VPS13B: variants seen among roughly 807,000 people sequenced by gnomAD.
VPS13B encodes the protein intermembrane lipid transfer protein VPS13B.
Under a neutral mutation model 426.4 loss-of-function variants are expected in VPS13B, and 285 were observed. The ratio of observed to expected loss-of-function variants is 0.67; its 90% CI spans 0.61 to 0.74. The LOEUF (loss-of-function observed/expected upper bound fraction) is 0.74, where lower values mean the gene tolerates loss of function less well. VPS13B is among the 30% of genes least tolerant of loss of function. VPS13B has a pLI of 0.00. For synonymous variants in VPS13B, 1,676 were observed against 1,676.4 expected, an observed-to-expected ratio of 1.00 and a Z score of 0.01; for missense variants, 4,537 against 4,782.6, an observed-to-expected ratio of 0.95 and a Z score of 1.51.
At chr8:99,018,364 C>G (rs560791619) in intron 2 of VPS13B, among the ~76,000 whole-genome samples, 6 of 152,158 alleles carry the variant, frequency 3.9e-5, no homozygotes, top group Non-Finnish European at 8.8e-5. Flanking sequence ...CCAGCCTGGG[C>G]GACAGAGTGA....
intron 37 of VPS13B, among the ~76,000 whole-genome samples, chr8:99,719,921 G>C (rs548899868): frequency 6.6e-6 from 1 of 152,062 alleles, no homozygotes; most frequent in African/African-American, 2.4e-5. Context: ...CTATAATAAG[G>C]ATTGCTTATT....
intron 17 of VPS13B, among the ~76,000 whole-genome samples, chr8:99,253,141 TA>T (rs1253393562): frequency 2.0e-5 from 3 of 152,194 alleles, no homozygotes; most frequent in Non-Finnish European, 4.4e-5. Flanking sequence ...TTTCAAAGTT[TA>T]TTCTTGTTGT....
intron 17 of VPS13B, among the ~76,000 whole-genome samples, chr8:99,273,637 T>G (rs1377107961): frequency 1.3e-5 from 2 of 151,872 alleles, no homozygotes; most frequent in African/African-American, 4.8e-5. Flanking sequence ...ATACAAAAAT[T>G]AGCCAGGCTG....
chr8:99,143,098 T>C lies in VPS13B; in HGVS notation c.1776T>C (p.His592=), dbSNP rs756818683. 197 of 1,613,930 alleles carry C rather than the reference T, an allele frequency of 1.2e-4. No homozygotes were observed. The highest frequency in any genetic ancestry group is 1.6e-4 in the Non-Finnish European group (191 of 1,179,964). The part of the protein sequence containing the change: ...LDFRLDSSAV[H]RILKMIVCAL... ...TTCGTTTGGATAGCAGTGCGGTGCATAGGATTTTGAAAATGATTGTGTGTG... is the reference window on the plus strand; with the variant it reads ...TTCGTTTGGATAGCAGTGCGGTGCACAGGATTTTGAAAATGATTGTGTGTG... The change falls in exon 13 of 62, where the codon CAT becomes CAC. Residue 592 remains histidine (H), a synonymous_variant. Coordinates refer to ENST00000357162, the MANE Select transcript of VPS13B (RefSeq NM_152564.5).
At position 99,242,154 on chromosome 8, in the gene VPS13B, T is replaced by C. The variant is rs557044715; in HGVS notation, c.2516-32044T>C. Among the ~76,000 whole-genome samples the C allele has an allele frequency of 1.0e-3, 154 of 152,282 alleles. 1 individual carries two copies. The highest frequency in any genetic ancestry group is 3.0e-3 in the African/African-American group (125 of 41,568). On this transcript the variant is annotated intron_variant, in intron 17 of 61. Coordinates refer to ENST00000357162, the MANE Select transcript of VPS13B (RefSeq NM_152564.5). ...CGCCACCATGGCCAGCTAATTTTTG[T>C]ACTTTTTTAGTAGAGACAGGGTTTC... is the stretch of plus-strand genomic sequence containing the variant.
chr8:99,868,127 CT>C, intron 58 of VPS13B, 161 bp from the exon 59 acceptor site: 1 of 793,826 alleles, frequency 1.3e-6, no homozygotes, highest in Non-Finnish European at 2.1e-6. Context: ...GTCTACTGCC[CT>C]TGGTGTACTT....
chr8:99,273,856 A>C (rs1303128099), intron 17 of VPS13B, among the ~76,000 whole-genome samples: 1 of 152,200 alleles, frequency 6.6e-6, no homozygotes, highest in African/African-American at 2.4e-5. Context: ...TATAAGTTAA[A>C]TTTGTTTCAA....
intron 59 of VPS13B, among the ~76,000 whole-genome samples, chr8:99,869,823 CACTA>C (rs1312401261): frequency 1.3e-5 from 2 of 152,168 alleles, no homozygotes; most frequent in East Asian, 1.9e-4. Context: ...GTTTTAAAAC[CACTA>C]ACTCTTAGTC....
chr8:99,591,053 G>T (rs918800292), intron 33 of VPS13B, among the ~76,000 whole-genome samples: 3 of 151,832 alleles, frequency 2.0e-5, no homozygotes, highest in African/African-American at 7.3e-5. Context: ...AGTATAGTTA[G>T]CTCTTCTTGT....
intron 17 of VPS13B, among the ~76,000 whole-genome samples, chr8:99,205,659 A>G (rs1814667872): frequency 1.3e-5 from 2 of 152,278 alleles, no homozygotes; most frequent in East Asian, 3.8e-4. Flanking sequence ...TTTTAGATTG[A>G]TATGTCTCAT....
intron 17 of VPS13B, among the ~76,000 whole-genome samples, chr8:99,197,050 C>T (rs1326379222): frequency 6.6e-6 from 1 of 152,134 alleles, no homozygotes; most frequent in African/African-American, 2.4e-5. Context: ...TGAATTTTGT[C>T]AAATGCCTTT....
At chr8:99,524,506 A>T (rs978875010) in intron 30 of VPS13B, among the ~76,000 whole-genome samples, 1 of 152,152 alleles carries the variant, frequency 6.6e-6, no homozygotes, top group Non-Finnish European at 1.5e-5. Context: ...ATAACATACA[A>T]TGGAGCCAGG....
intron 43 of VPS13B, among the ~76,000 whole-genome samples, chr8:99,795,812 C>T (rs1018131592): frequency 6.6e-6 from 1 of 152,212 alleles, no homozygotes; most frequent in African/African-American, 2.4e-5. Context: ...AATCTCATGA[C>T]ATAGCAGCTG....
chr8:99,078,069 A>T (rs896859653), intron 3 of VPS13B, among the ~76,000 whole-genome samples: 1 of 150,812 alleles, frequency 6.6e-6, no homozygotes, highest in East Asian at 2.0e-4. Context: ...TGAATTTCTG[A>T]TTCATGAATT....
chr8:99,270,271 T>G (rs940004029), intron 17 of VPS13B, among the ~76,000 whole-genome samples: 3 of 150,844 alleles, frequency 2.0e-5, no homozygotes, highest in Admixed American at 2.0e-4. Flanking sequence ...CCTGATTAGC[T>G]GGAATTACAG....
intron 37 of VPS13B, among the ~76,000 whole-genome samples, chr8:99,718,757 C>T (rs1430841904): frequency 6.6e-6 from 1 of 151,486 alleles, no homozygotes; most frequent in Non-Finnish European, 1.5e-5. Context: ...GCTTCAGCCT[C>T]CTGGGCTCAA....
At chr8:99,350,260 A>G (rs1811804195) in intron 19 of VPS13B, among the ~76,000 whole-genome samples, 1 of 152,214 alleles carries the variant, frequency 6.6e-6, no homozygotes. Flanking sequence ...CATAGTGGCC[A>G]CAATCTGTGG....
chr8:99,818,533 T>G lies in VPS13B; in HGVS notation c.8444T>G (p.Met2815Arg), dbSNP rs1427709841. The change falls in exon 46 of 62, where the codon ATG becomes AGG. Residue 2815 changes from methionine (M) to arginine (R), a missense_variant and splice_region_variant. Physicochemically the swap from Met to Arg is moderately conservative, Grantham distance 91. Coordinates refer to ENST00000357162, the MANE Select transcript of VPS13B (RefSeq NM_152564.5). ...LEPNSQVQQR[M>R]IVFSPLFIMR... Reference sequence around the variant, plus strand: ...CCCAACTCTCAAGTGCAACAACGAATGGTGAGTGCTTTCCCAATCCTAAAA... The same window carrying G: ...CCCAACTCTCAAGTGCAACAACGAAGGGTGAGTGCTTTCCCAATCCTAAAA... 8 of 1,613,982 alleles carry G rather than the reference T, an allele frequency of 5.0e-6. No individual in the cohort carries two copies. The highest frequency in any genetic ancestry group is 6.8e-6 in the Non-Finnish European group (8 of 1,179,862).
intron 34 of VPS13B, among the ~76,000 whole-genome samples, chr8:99,651,002 A>G (rs1829793885): frequency 6.6e-6 from 1 of 152,196 alleles, no homozygotes; most frequent in African/African-American, 2.4e-5. Context: ...TTTAAAGTAT[A>G]CAGTAGGATA....
Sources: gnomAD v4.1 joint callset for allele counts (sites outside exome capture counted in the v4.1 genomes callset) on GRCh38, gnomAD v4.1.1 for gene constraint, MANE v1.5 for transcripts, NCBI Gene and HGNC (gene_info 2026-07-23, HGNC 2026-07-21) for gene names.